Variants in AMD1 observed in about 807,000 individuals in gnomAD.
AMD1 encodes S-adenosylmethionine decarboxylase proenzyme.
AMD1 carries 11 observed loss-of-function variants against 40.2 expected under a neutral mutation model. That is an observed-to-expected ratio of 0.27 (90% CI 0.17 to 0.45). The LOEUF is 0.45. Ranked by LOEUF, AMD1 falls within the 20% of genes least tolerant of loss-of-function variation. The pLI, the probability that AMD1 is intolerant of heterozygous loss-of-function variation, is 1.00. For synonymous variants in AMD1, 121 were observed against 130.8 expected, an observed-to-expected ratio of 0.93 and a Z score of 0.51; for missense variants, 257 against 410.2, an observed-to-expected ratio of 0.63 and a Z score of 3.23.
chr6:110,827,856 T>C, the AMD1 span, among the ~76,000 whole-genome samples: 4 of 152,036 alleles, frequency 2.6e-5, no homozygotes, highest in Non-Finnish European at 4.4e-5. Context: ...GGTGAAAGCA[T>C]AACATGTTAG....
At chr6:110,818,529 T>A in the AMD1 span, among the ~76,000 whole-genome samples, 1 of 144,860 alleles carries the variant, frequency 6.9e-6, no homozygotes, top group African/African-American at 2.9e-5. Context: ...CTTATTTATA[T>A]ATATATTTAT....
chr6:110,893,235 G>T (rs573045626), intron 8 of AMD1, among the ~76,000 whole-genome samples, 170 bp downstream of exon 8: 11 of 152,312 alleles, frequency 7.2e-5, no homozygotes, highest in African/African-American at 2.4e-4. Flanking sequence ...TGTTTCATTA[G>T]ACCTGTGTCA....
At chr6:110,874,212 G>A (rs1784977563), upstream of AMD1, among the ~76,000 whole-genome samples, 2 of 152,228 alleles carry the variant, frequency 1.3e-5, no homozygotes, top group Admixed American at 6.5e-5. Context: ...CATCAGCCAA[G>A]GCGTGAGCAG....
Position 110,877,594 on chromosome 6 carries a change from C to G in AMD1, c.110+2379C>G, listed in dbSNP as rs575796677. ...AATAACAAGATTTGAATTCAAACAG[C>G]ATTTAATAGCTGTGTGAGCTGTTTC... is the stretch of plus-strand genomic sequence containing the variant. On this transcript the variant is annotated intron_variant, in intron 1 of 8. Transcript: ENST00000368885. 3.3e-5 allele frequency among the ~76,000 whole-genome samples: 5 copies of G among 152,340 alleles called. No individual in the cohort carries two copies. In the East Asian group the frequency reaches 9.6e-4, roughly 29 times the overall value.
At chr6:110,848,719 G>A in the AMD1 span, 1 of 299,982 alleles carries the variant, frequency 3.3e-6, no homozygotes, top group South Asian at 3.7e-5. Context: ...TAGCCATAAA[G>A]GTTGGTCCCA....
chr6:110,869,059 C>CAA, the AMD1 span, among the ~76,000 whole-genome samples: 3 of 125,566 alleles, frequency 2.4e-5, no homozygotes, highest in South Asian at 2.6e-4. Flanking sequence ...AACTCGTTCT[C>CAA]AAAAAAAAAA....
intron 1 of AMD1, among the ~76,000 whole-genome samples, chr6:110,886,511 GGTCAGGCTGGTCTCAAACTCC>G: frequency 6.6e-6 from 1 of 152,072 alleles, no homozygotes; most frequent in African/African-American, 2.4e-5. Context: ...TCACCATGTT[GGTCAGGCTGGTCTCAAACTCC>G]TGACCTCAAG....
chr6:110,832,707 G>C, the AMD1 span, among the ~76,000 whole-genome samples: 1 of 152,072 alleles, frequency 6.6e-6, no homozygotes, highest in African/African-American at 2.4e-5. Flanking sequence ...ATTTTTAAAA[G>C]CTCATCCTCT....
chr6:110,868,422 T>C, the AMD1 span, among the ~76,000 whole-genome samples: 13 of 152,292 alleles, frequency 8.5e-5, no homozygotes, highest in African/African-American at 3.1e-4. Context: ...GTGCTGGGAT[T>C]ACAGGCGTGA....
In AMD1 at chr6:110,893,589, T is replaced by C; in HGVS notation, c.978T>C (p.Ala326=). The C allele has an allele frequency of 6.2e-7, 1 of 1,613,866 alleles. No individual in the cohort carries two copies. The highest frequency in any genetic ancestry group is 8.5e-7 in the Non-Finnish European group (1 of 1,179,960). ...ACAATTTTGTTTTTACCAGTTTTGC[T>C]AAGAAGCAGCAACAACAGCAGAGTT... ...NDYNFVFTSF[A]KKQQQQQS is the part of the protein sequence containing the mutation. The change falls in exon 9 of 9, where the codon GCT becomes GCC. Residue 326 remains alanine (A), a synonymous_variant. Coordinates refer to ENST00000368885, the MANE Select transcript of AMD1 (RefSeq NM_001634.6).
At chr6:110,873,585 A>G (rs1304119843), upstream of AMD1, among the ~76,000 whole-genome samples, 1 of 152,216 alleles carries the variant, frequency 6.6e-6, no homozygotes, top group Non-Finnish European at 1.5e-5. Flanking sequence ...GATGATAGCG[A>G]AAAGTCCTTT....
intron 3 of AMD1, 126 bp downstream of exon 3, chr6:110,889,109 G>A: frequency 8.7e-7 from 1 of 1,150,526 alleles, no homozygotes; most frequent in East Asian, 2.7e-5. Flanking sequence ...ACGTGGTAAG[G>A]TGTTCATACC....
chr6:110,886,248 A>G (rs528244433), intron 1 of AMD1, among the ~76,000 whole-genome samples: 20 of 150,566 alleles, frequency 1.3e-4, no homozygotes, highest in African/African-American at 4.9e-4. Context: ...AAGATTTGCC[A>G]TTTTTATGAG....
At chr6:110,830,124 C>G in the AMD1 span, among the ~76,000 whole-genome samples, 2 of 151,946 alleles carry the variant, frequency 1.3e-5, no homozygotes, top group South Asian at 4.2e-4. Context: ...AAGTGATTCT[C>G]CTGCCTCAGC....
the AMD1 span, among the ~76,000 whole-genome samples, chr6:110,836,694 G>C: frequency 6.6e-6 from 1 of 152,028 alleles, no homozygotes; most frequent in African/African-American, 2.4e-5. Flanking sequence ...TTTTAGTTAA[G>C]AAAACCTTTT....
chr6:110,835,825 A>G, the AMD1 span, among the ~76,000 whole-genome samples: 295 of 151,684 alleles, frequency 1.9e-3, 1 homozygote, highest in African/African-American at 7.0e-3. Flanking sequence ...AGATCATCCC[A>G]CTGTACTTCA....
chr6:110,887,447 T>C, intron 1 of AMD1, 58 bp from the exon 2 acceptor site: 12 of 1,256,926 alleles, frequency 9.5e-6, no homozygotes, highest in Non-Finnish European at 1.2e-5. Context: ...GCTTTGTAAT[T>C]TTTATGAGTA....
the AMD1 span, among the ~76,000 whole-genome samples, chr6:110,826,947 C>A: frequency 1.3e-5 from 2 of 152,168 alleles, no homozygotes; most frequent in Non-Finnish European, 2.9e-5. Flanking sequence ...CTGACTCGGC[C>A]TCCCAGAGTG....
Position 110,893,660 on chromosome 6 carries a change from A to G in AMD1, c.*44A>G, listed in dbSNP as rs765085737. ...AAACGCAAAAAGAGAACACATGTAG[A>G]AGGTGGTGGATGCTTTCTAGATGTC... On this transcript the variant is annotated 3_prime_UTR_variant, in exon 9 of 9. Transcript: ENST00000368885. The G allele has an allele frequency of 1.3e-6, 2 of 1,597,532 alleles. No individual in the cohort carries two copies. Among genetic ancestry groups the G allele is most frequent in the African/African-American group, 2.7e-5 (2 of 74,632 alleles).
Sources: gnomAD v4.1 joint callset for allele counts (sites outside exome capture counted in the v4.1 genomes callset) on GRCh38, gnomAD v4.1.1 for gene constraint, MANE v1.5 for transcripts, NCBI Gene and HGNC (gene_info 2026-07-23, HGNC 2026-07-21) for gene names.